The following ABCA9 variants were observed in gnomAD, a reference collection of about 807,000 sequenced individuals.
ABCA9 encodes ATP binding cassette subfamily A member 9, also known as ATP-binding cassette sub-family A member 9.
In ABCA9, 183 loss-of-function variants were observed where a neutral mutation model predicts 205.3. That is an observed-to-expected ratio of 0.89 (90% CI 0.79 to 1.01). The LOEUF is 1.01. Ranked by LOEUF, ABCA9 falls within the 50% of genes least tolerant of loss-of-function variation. The pLI is 0.00. For synonymous variants in ABCA9, 651 were observed against 683.3 expected (o/e 0.95, Z 0.74); for missense variants, 1,805 against 1,912.4 (o/e 0.94, Z 1.05).
chr17:69,076,843 G>A, the ABCA9 span, among the ~76,000 whole-genome samples: 1 of 152,016 alleles, frequency 6.6e-6, no homozygotes, highest in South Asian at 2.1e-4. Context: ...ATTTCTGTGG[G>A]ATCAGTTGTA....
intron 25 of ABCA9, among the ~76,000 whole-genome samples, chr17:68,999,352 C>T (rs1214249913): frequency 7.3e-6 from 1 of 137,326 alleles, no homozygotes; most frequent in Non-Finnish European, 1.6e-5. Flanking sequence ...GTTCAATTCC[C>T]ACCTATGAGT....
Position 69,027,808 on chromosome 17 carries a change from G to T in ABCA9, c.1623C>A (p.Val541=). The T allele has an allele frequency of 6.2e-7, 1 of 1,602,370 alleles. No homozygotes were observed. The highest frequency in any genetic ancestry group is 1.1e-5 in the South Asian group (1 of 89,004). Residue 541 remains valine (V), a synonymous_variant, in exon 13 of 39, where the codon GTC becomes GTA. Transcript: ENST00000340001. ...SGLSVPTSGS[V]TVYNHTLSRM... ...TTGAAAGTGTGTGATTATAGACAGT[G>T]ACTGAACCTGAAAGCAGAAGGCAGA...
intron 23 of ABCA9, 33 bp downstream of exon 23, chr17:69,011,943 T>TA (rs1567940431): frequency 2.0e-6 from 3 of 1,501,924 alleles, no homozygotes; most frequent in Admixed American, 3.7e-5. Context: ...TCTCTAGATA[T>TA]AAAAAACATG....
chr17:69,071,316 G>T, the ABCA9 span, among the ~76,000 whole-genome samples: 4 of 152,190 alleles, frequency 2.6e-5, no homozygotes, highest in African/African-American at 9.7e-5. Context: ...CCCAGCAGGG[G>T]TTGACAGACA....
chr17:68,996,642 C>A (rs140288908), intron 25 of ABCA9, among the ~76,000 whole-genome samples: 1 of 152,154 alleles, frequency 6.6e-6, no homozygotes, highest in Non-Finnish European at 1.5e-5. Flanking sequence ...TTAGAGTACA[C>A]GTCACACCAC....
chr17:69,033,632 C>A, intron 9 of ABCA9, 94 bp downstream of exon 9: 1 of 1,111,810 alleles, frequency 9.0e-7, no homozygotes, highest in Non-Finnish European at 1.3e-6. Flanking sequence ...TTTTGAAAAA[C>A]TGCTTGCTAA....
rs1179070524 is a variant in ABCA9, at chr17:69,045,298, C to G, written c.343G>C (p.Asp115His). 7 of 1,611,820 alleles carry G rather than the reference C, an allele frequency of 4.3e-6. No individual in the cohort carries two copies. Among genetic ancestry groups the G allele is most frequent in the Non-Finnish European group, 8.5e-7 (1 of 1,178,944 alleles). The change falls in exon 4 of 39, where the codon GAT becomes CAT. Residue 115 changes from aspartate to histidine, a missense_variant. Coordinates refer to ENST00000340001, the MANE Select transcript of ABCA9 (RefSeq NM_080283.4). ...ATTGAATAGTTCAAATCCAATTCAT[C>G]CATGCTTTTTTCATCAGGCCACCCC... ...IMGWPDEKSMDELDLNYSIDA... is the reference protein window; with the variant it reads ...IMGWPDEKSMHELDLNYSIDA...
chr17:69,010,436 A>G (rs1036403100), intron 23 of ABCA9, among the ~76,000 whole-genome samples: 5 of 152,110 alleles, frequency 3.3e-5, no homozygotes, highest in Non-Finnish European at 7.4e-5. Context: ...GAGAACCAGA[A>G]GGAAAAGTGG....
chr17:68,985,998 C>T (rs9915531), intron 32 of ABCA9, among the ~76,000 whole-genome samples, 166 bp downstream of exon 32: 7,947 of 152,070 alleles, frequency 0.052, 697 homozygotes, highest in African/African-American at 0.18. Context: ...TTTTTCTCTC[C>T]AGGCTCAAAG....
the ABCA9 span, among the ~76,000 whole-genome samples, chr17:69,072,180 T>G: frequency 1.3e-5 from 2 of 152,160 alleles, no homozygotes; most frequent in Non-Finnish European, 2.9e-5. Flanking sequence ...CTTCGGGATA[T>G]TAACCAGGAG....
At chr17:69,000,607 T>C (rs138271834) in intron 25 of ABCA9, among the ~76,000 whole-genome samples, 83,415 of 130,070 alleles carry the variant, frequency 0.64, 26,375 homozygotes, top group Middle Eastern at 0.71. Flanking sequence ...CTTGGTGATG[T>C]GGGCTCTTTT....
intron 25 of ABCA9, among the ~76,000 whole-genome samples, chr17:68,996,625 C>A (rs560456244): frequency 6.6e-6 from 1 of 152,268 alleles, no homozygotes; most frequent in Non-Finnish European, 1.5e-5. Flanking sequence ...ATTCTACAAA[C>A]CATGAATTAG....
intron 1 of ABCA9, among the ~76,000 whole-genome samples, chr17:69,059,883 C>T (rs2072185768): frequency 6.6e-6 from 1 of 152,074 alleles, no homozygotes. Flanking sequence ...TGCAGATGAG[C>T]TCCTAATAAT....
chr17:69,037,372 A>G (rs1427716633), intron 6 of ABCA9, among the ~76,000 whole-genome samples: 1 of 152,230 alleles, frequency 6.6e-6, no homozygotes, highest in Non-Finnish European at 1.5e-5. Flanking sequence ...AGTTTCTCAG[A>G]CCACAGTGCA....
upstream of ABCA9, among the ~76,000 whole-genome samples, chr17:69,063,809 T>A (rs536371505): frequency 4.6e-5 from 7 of 152,330 alleles, no homozygotes; most frequent in African/African-American, 1.4e-4. Flanking sequence ...CCTGACCGCG[T>A]GATCCGCCCG....
the ABCA9 span, among the ~76,000 whole-genome samples, chr17:69,068,605 A>G: frequency 6.6e-6 from 1 of 152,296 alleles, no homozygotes; most frequent in South Asian, 2.1e-4. Context: ...TGATTGACAA[A>G]CCAGCTAAAA....
At chr17:69,020,259 G>T in intron 19 of ABCA9, 129 bp downstream of exon 19, 1 of 853,888 alleles carries the variant, frequency 1.2e-6, no homozygotes, top group Non-Finnish European at 1.8e-6. Context: ...ATTAAAAAAT[G>T]ATTTCTTTGT....
At chr17:68,993,191 C>A (rs570598542) in intron 26 of ABCA9, 107 bp from the exon 27 acceptor site, 2 of 838,424 alleles carry the variant, frequency 2.4e-6, no homozygotes, top group South Asian at 1.6e-5. Flanking sequence ...TACAACCATT[C>A]GACCTGATGC....
chr17:69,075,942 G>A, the ABCA9 span, among the ~76,000 whole-genome samples: 1 of 152,086 alleles, frequency 6.6e-6, no homozygotes, highest in South Asian at 2.1e-4. Flanking sequence ...TCACCTCCTT[G>A]GTTAGATAAG....
Sources: allele counts gnomAD v4.1 joint callset (sites outside exome capture counted in the v4.1 genomes callset), GRCh38; gene constraint gnomAD v4.1.1; transcripts MANE v1.5; gene names NCBI Gene and HGNC (gene_info 2026-07-23, HGNC 2026-07-21).